CCDC146: variants seen among roughly 807,000 people sequenced by gnomAD.
CCDC146 encodes the protein coiled-coil domain-containing protein 146.
Under a neutral mutation model 119.3 loss-of-function variants are expected in CCDC146, and 92 were observed. That is an observed-to-expected ratio of 0.77 (90% CI 0.65 to 0.92). CCDC146 has a LOEUF of 0.92. CCDC146 is among the 40% of genes least tolerant of loss of function. The pLI is 0.00. For synonymous variants in CCDC146, 372 were observed against 371.8 expected (o/e 1.00, Z -0.01); for missense variants, 1,000 against 1,103.0 (o/e 0.91, Z 1.32).
rs373976196 is a variant in CCDC146 at position 77,241,299 on chromosome 7, C to T, written c.240-392C>T. Among the ~76,000 whole-genome samples, 42 of 94,650 alleles carry T rather than the reference C, an allele frequency of 4.4e-4. 6 individuals carry two copies. Among genetic ancestry groups the T allele is most frequent in the African/African-American group, 1.1e-3 (39 of 36,438 alleles). 62.1% of individuals were successfully genotyped at this position (94,650 alleles called of 152,430 possible). On this transcript the variant is annotated intron_variant, in intron 3 of 18. Transcript: ENST00000285871. ...GTTTCGATCTCCTGACCTTGTGATC[C>T]GCCTGCCTCGGCCTCCCAAAGTGCT... is the stretch of plus-strand genomic sequence containing the variant.
At chr7:77,233,758 C>T (rs991563820) in intron 2 of CCDC146, among the ~76,000 whole-genome samples, 1 of 152,166 alleles carries the variant, frequency 6.6e-6, no homozygotes, top group African/African-American at 2.4e-5. Context: ...CTCACTTGCC[C>T]GCTGCTCATC....
intron 15 of CCDC146, 89 bp from the exon 16 acceptor site, chr7:77,286,709 T>TA (rs1793854602): frequency 7.3e-7 from 1 of 1,365,922 alleles, no homozygotes; most frequent in Non-Finnish European, 1.0e-6. Flanking sequence ...TTGGTCCTAC[T>TA]AAAAAACTCT....
chr7:77,131,200 C>G (rs901356502), intron 1 of CCDC146, among the ~76,000 whole-genome samples: 4 of 151,858 alleles, frequency 2.6e-5, no homozygotes. Context: ...CTTAAAATCC[C>G]AAATTACTCA....
chr7:77,249,246 C>T, intron 4 of CCDC146, among the ~76,000 whole-genome samples: 1 of 152,132 alleles, frequency 6.6e-6, no homozygotes, highest in Non-Finnish European at 1.5e-5. Context: ...AATCCCAGCA[C>T]TTTGAAAGGC....
chr7:77,250,765 T>C (rs1793041095), intron 4 of CCDC146, among the ~76,000 whole-genome samples: 1 of 152,050 alleles, frequency 6.6e-6, no homozygotes, highest in Non-Finnish European at 1.5e-5. Flanking sequence ...GTATTCCTCT[T>C]ATGAGTATTT....
At chr7:77,143,242 G>T (rs887971665) in intron 1 of CCDC146, among the ~76,000 whole-genome samples, 1 of 151,380 alleles carries the variant, frequency 6.6e-6, no homozygotes, top group Non-Finnish European at 1.5e-5. Flanking sequence ...CATATCCTTC[G>T]CCCACTTGTT....
chr7:77,265,012 T>C (rs1238975578), intron 9 of CCDC146, among the ~76,000 whole-genome samples: 1 of 152,214 alleles, frequency 6.6e-6, no homozygotes, highest in Admixed American at 6.5e-5. Flanking sequence ...GCAACTCTTA[T>C]GCCCTCAAAC....
chr7:77,261,426 C>A (rs146376505), intron 8 of CCDC146, among the ~76,000 whole-genome samples: 3 of 152,228 alleles, frequency 2.0e-5, no homozygotes, highest in African/African-American at 7.2e-5. Context: ...TCCAGCTCCA[C>A]CCACGTTCCT....
In CCDC146 at chr7:77,204,422, G is replaced by T. The variant is rs146707761; in HGVS notation, c.157-32525G>T. On this transcript the variant is annotated intron_variant, in intron 2 of 18. Coordinates refer to ENST00000285871, the MANE Select transcript of CCDC146 (RefSeq NM_020879.3). ...GTTGGTAGGTTCTGTGGTATGACTTGCAGGTACTTCATTCTGGCATAGATG... is the reference window on the plus strand; with the variant it reads ...GTTGGTAGGTTCTGTGGTATGACTTTCAGGTACTTCATTCTGGCATAGATG... Among the ~76,000 whole-genome samples, 1,140 of 152,266 alleles carry T rather than the reference G, an allele frequency of 7.5e-3. 11 individuals carry two copies. The highest frequency in any genetic ancestry group is 0.034 in the Middle Eastern group (10 of 294).
chr7:77,238,013 AT>A (rs1483889646), intron 3 of CCDC146, among the ~76,000 whole-genome samples: 1 of 152,024 alleles, frequency 6.6e-6, no homozygotes, highest in Non-Finnish European at 1.5e-5. Flanking sequence ...CCTCCTTCTT[AT>A]CTTGCCCAGA....
At chr7:77,235,995 C>T (rs370564667) in intron 2 of CCDC146, among the ~76,000 whole-genome samples, 94 of 151,936 alleles carry the variant, frequency 6.2e-4, no homozygotes, top group African/African-American at 2.1e-3. Flanking sequence ...CACTTAAACC[C>T]GGGAGGCAGA....
intron 2 of CCDC146, chr7:77,199,108 G>T (rs1791929735): frequency 2.3e-6 from 3 of 1,309,702 alleles, no homozygotes; most frequent in Non-Finnish European, 2.1e-6. Flanking sequence ...ACTGACTCAG[G>T]TTAATGTTTA....
Position 77,203,935 on chromosome 7 carries a change from G to A in CCDC146, c.157-33012G>A, listed in dbSNP as rs114853865. Among the ~76,000 whole-genome samples, 708 of 151,814 alleles carry A rather than the reference G, an allele frequency of 4.7e-3. 7 individuals carry two copies. The highest frequency in any genetic ancestry group is 0.016 in the African/African-American group (673 of 41,406). On this transcript the variant is annotated intron_variant, in intron 2 of 18. Coordinates refer to ENST00000285871, the MANE Select transcript of CCDC146 (RefSeq NM_020879.3). ...ATTCACATGTTCAGACTTCCTTTTT[G>A]CTTACACAAAGTATATTTAAGAGAA...
chr7:77,247,249 A>G (rs551633620), intron 4 of CCDC146, among the ~76,000 whole-genome samples: 3 of 152,342 alleles, frequency 2.0e-5, no homozygotes, highest in Admixed American at 1.3e-4. Flanking sequence ...TGTCCTAAAG[A>G]ATTAGTCATT....
Position 77,260,102 on chromosome 7 carries a change from G to A in CCDC146, c.852G>A (p.Val284=). The change falls in exon 8 of 19, where the codon GTG becomes GTA. Residue 284 remains valine (V), a synonymous_variant. Transcript: ENST00000285871. ...KKVENKVSAI[V]DEKENVIKEV... ...TTGAAAACAAGGTTAGTGCTATAGT[G>A]GATGAGAAGGAAAATGTAATAAAGG... 6.2e-7 allele frequency: 1 copy of A among 1,613,882 alleles called. No homozygotes were observed. Among genetic ancestry groups the A allele is most frequent in the South Asian group, 1.1e-5 (1 of 91,064 alleles).
At chr7:77,142,373 C>T (rs967530382) in intron 1 of CCDC146, among the ~76,000 whole-genome samples, 54 of 151,360 alleles carry the variant, frequency 3.6e-4, no homozygotes, top group Non-Finnish European at 1.5e-5. Context: ...GGTACATGTG[C>T]ACAACGTGCA....
chr7:77,159,052 G>A (rs1791218723), intron 1 of CCDC146, among the ~76,000 whole-genome samples: 1 of 152,036 alleles, frequency 6.6e-6, no homozygotes, highest in Non-Finnish European at 1.5e-5. Flanking sequence ...ATCTCAATGA[G>A]TTTGGGGATA....
At chr7:77,249,891 T>C (rs2150499951) in intron 4 of CCDC146, among the ~76,000 whole-genome samples, 1 of 152,360 alleles carries the variant, frequency 6.6e-6, no homozygotes, top group South Asian at 2.1e-4. Flanking sequence ...CTGTTTTTGT[T>C]CTCTCTTTTT....
chr7:77,242,256 C>T lies in CCDC146; in HGVS notation c.449+356C>T, dbSNP rs547021218. On this transcript the variant is annotated intron_variant, in intron 4 of 18. Transcript: ENST00000285871. The stretch of plus-strand genomic sequence containing the variant: ...TCCCATGACTATAGCAGTACCAGAG[C>T]ACGCATCTGCATGGTGAGCACTTCT... The T allele has an allele frequency of 9.8e-6, 4 of 408,938 alleles. No homozygotes were observed. In the South Asian group the frequency reaches 1.7e-4, roughly 17 times the overall value. The allele number at this position is 408,938 out of a possible 1,614,324, so 25.3% of individuals were successfully genotyped here.
Sources: allele counts gnomAD v4.1 joint callset (sites outside exome capture counted in the v4.1 genomes callset), GRCh38; gene constraint gnomAD v4.1.1; transcripts MANE v1.5; gene names NCBI Gene and HGNC (gene_info 2026-07-23, HGNC 2026-07-21).